QKI: variants seen among roughly 807,000 people sequenced by gnomAD.
QKI encodes KH domain-containing RNA-binding protein QKI.
In QKI, 10 loss-of-function variants were observed where a neutral mutation model predicts 39.0. The observed-to-expected ratio is 0.26, with a 90% confidence interval of 0.16 to 0.43. The LOEUF (loss-of-function observed/expected upper bound fraction) is 0.43, where lower values mean the gene tolerates loss of function less well. QKI is among the 20% of genes least tolerant of loss of function. The probability of loss-of-function intolerance (pLI) is 1.00; values close to 1 mark genes in which losing one functional copy is unlikely to be tolerated. For missense variants in QKI, 218 were observed against 428.0 expected, an observed-to-expected ratio of 0.51 and a Z score of 4.33; for synonymous variants, 204 against 155.4, an observed-to-expected ratio of 1.31 and a Z score of -2.33.
intron 1 of QKI, among the ~76,000 whole-genome samples, chr6:163,428,360 A>G (rs1788567956): frequency 6.6e-6 from 1 of 152,208 alleles, no homozygotes; most frequent in African/African-American, 2.4e-5. Flanking sequence ...TGAGTCACAT[A>G]TATTGAGAGG....
intron 1 of QKI, among the ~76,000 whole-genome samples, chr6:163,440,755 G>T (rs980206298): frequency 1.3e-5 from 2 of 152,108 alleles, no homozygotes; most frequent in African/African-American, 4.8e-5. Flanking sequence ...GTCTGTATTT[G>T]CACATGACTA....
At chr6:163,492,405 T>G (rs1051867378) in intron 3 of QKI, among the ~76,000 whole-genome samples, 1 of 152,182 alleles carries the variant, frequency 6.6e-6, no homozygotes, top group African/African-American at 2.4e-5. Flanking sequence ...AATCACAGGT[T>G]GTTATAGGAC....
chr6:163,447,745 G>A lies in QKI; in HGVS notation c.143-7534G>A, dbSNP rs6938197. 4.9e-3 allele frequency among the ~76,000 whole-genome samples: 738 copies of A among 152,140 alleles called. 4 individuals carry two copies. Among genetic ancestry groups the A allele is most frequent in the African/African-American group, 0.012 (509 of 41,528 alleles). On this transcript the variant is annotated intron_variant, in intron 1 of 7. Coordinates refer to ENST00000361752, the MANE Select transcript of QKI (RefSeq NM_006775.3). ...GAGTCATGTAAAAAATAACTAGATCGCTTTATTTTTAGAGTTGGGAGGCAA... is the reference window on the plus strand; with the variant it reads ...GAGTCATGTAAAAAATAACTAGATCACTTTATTTTTAGAGTTGGGAGGCAA...
rs1783665665 is a variant in QKI, at chr6:163,570,869, A to ATT, written c.*159_*160insTT. On this transcript the variant is annotated 3_prime_UTR_variant, in exon 8 of 8. Transcript: ENST00000361752. The stretch of plus-strand genomic sequence containing the variant: ...TTACCATCTAACCAAACAAAAGACA[A>ATT]AGAAATTGTTGTCCTCCAACTCAGC... 9.6e-7 allele frequency: 1 copy of ATT among 1,046,622 alleles called. No individual in the cohort carries two copies. The highest frequency in any genetic ancestry group is 1.3e-6 in the Non-Finnish European group (1 of 742,742). 64.8% of individuals were successfully genotyped at this position (1,046,622 alleles called of 1,614,324 possible).
rs374085039 is a variant in QKI, at chr6:163,434,476, G to A, written c.142+19141G>A. ...ATAAATATTAATCTTGGCACTTTGG[G>A]AGGCTGAGGCGGGCGGATCATGAGG... is the stretch of plus-strand genomic sequence containing the variant. On this transcript the variant is annotated intron_variant, in intron 1 of 7. Transcript: ENST00000361752. 1.1e-4 allele frequency among the ~76,000 whole-genome samples: 17 copies of A among 152,258 alleles called. No homozygotes were observed. In the East Asian group the frequency reaches 2.5e-3, roughly 22 times the overall value.
rs1358202539 is a variant in QKI at position 163,577,998 on chromosome 6, CATG to C, written c.*7289_*7291del. 6.6e-6 allele frequency: 1 copy of C among 152,052 alleles called. No homozygotes were observed. The highest frequency in any genetic ancestry group is 1.5e-5 in the Non-Finnish European group (1 of 68,016). The allele number at this position is 152,052 out of a possible 1,614,324, so 9.4% of individuals were successfully genotyped here. A position where few individuals can be genotyped will look rare whatever the true frequency, so the allele number is the denominator to read the frequency against. On this transcript the variant is annotated 3_prime_UTR_variant, in exon 8 of 8. Coordinates refer to ENST00000361752, the MANE Select transcript of QKI (RefSeq NM_006775.3). ...CTATACATATGTCTAAAATAATAGT[CATG>C]GTAAGTTTGGCATCATATCTTCCCC... is the stretch of plus-strand genomic sequence containing the variant.
intron 3 of QKI, among the ~76,000 whole-genome samples, chr6:163,521,395 CAT>C (rs1313481760): frequency 6.6e-6 from 1 of 152,086 alleles, no homozygotes; most frequent in African/African-American, 2.4e-5. Context: ...TTTAGATTAA[CAT>C]ATATAGACTA....
At chr6:163,480,253 G>C (rs576409406) in intron 3 of QKI, among the ~76,000 whole-genome samples, 4 of 152,068 alleles carry the variant, frequency 2.6e-5, no homozygotes, top group African/African-American at 9.6e-5. Context: ...CTGTCTGTCT[G>C]TCTCTTTCTC....
intron 3 of QKI, among the ~76,000 whole-genome samples, chr6:163,514,698 G>A (rs1779683288): frequency 6.6e-6 from 1 of 152,144 alleles, no homozygotes; most frequent in African/African-American, 2.4e-5. Context: ...GAAGTGGGAA[G>A]CGTGAATTTA....
intron 3 of QKI, among the ~76,000 whole-genome samples, chr6:163,500,232 G>A (rs1778675176): frequency 6.6e-6 from 1 of 152,156 alleles, no homozygotes; most frequent in Non-Finnish European, 1.5e-5. Flanking sequence ...TTTAAGCAGA[G>A]GGATGATATG....
chr6:163,528,849 C>T (rs1780674276), intron 3 of QKI, among the ~76,000 whole-genome samples: 1 of 152,048 alleles, frequency 6.6e-6, no homozygotes, highest in Non-Finnish European at 1.5e-5. Context: ...TGCACCCTAC[C>T]TTAAAAGATG....
chr6:163,545,745 AG>A (rs1351759456), intron 4 of QKI, among the ~76,000 whole-genome samples: 5 of 151,826 alleles, frequency 3.3e-5, no homozygotes, highest in African/African-American at 1.2e-4. Context: ...GGTTGACAAA[AG>A]GTTTAGACAT....
chr6:163,460,793 TA>T (rs1791293544), intron 2 of QKI, among the ~76,000 whole-genome samples: 1 of 152,176 alleles, frequency 6.6e-6, no homozygotes, highest in South Asian at 2.1e-4. Context: ...CAAATGATAT[TA>T]AATCAAAATT....
At chr6:163,434,331 C>T (rs571972531) in intron 1 of QKI, among the ~76,000 whole-genome samples, 4 of 152,280 alleles carry the variant, frequency 2.6e-5, no homozygotes, top group Non-Finnish European at 5.9e-5. Context: ...TTATGACGGG[C>T]TTACCTTGAT....
chr6:163,472,901 A>G (rs1020925847), intron 2 of QKI, among the ~76,000 whole-genome samples: 1 of 152,198 alleles, frequency 6.6e-6, no homozygotes, highest in African/African-American at 2.4e-5. Context: ...AAGGAATACA[A>G]TAAGCAAAAT....
rs575991410 is a variant in QKI, at chr6:163,429,586, TAAAAGCCTTAAGTTACAAA to T, written c.142+14253_142+14271del. On this transcript the variant is annotated intron_variant, in intron 1 of 7. Coordinates refer to ENST00000361752, the MANE Select transcript of QKI (RefSeq NM_006775.3). Reference sequence around the variant, plus strand: ...TAAGTGGCTTTAGAAGTTACTTTTTTAAAAGCCTTAAGTTACAAAATACTGTAACTGGGAATTATGAATA... The same window carrying T: ...TAAGTGGCTTTAGAAGTTACTTTTTTATACTGTAACTGGGAATTATGAATA... Among the ~76,000 whole-genome samples the T allele has an allele frequency of 2.6e-3, 395 of 152,312 alleles. 1 individual carries two copies. The highest frequency in any genetic ancestry group is 8.8e-3 in the African/African-American group (368 of 41,584).
rs1036912844 is a variant in QKI, at chr6:163,518,442, G to C, written c.403-16540G>C. On this transcript the variant is annotated intron_variant, in intron 3 of 7. Transcript: ENST00000361752. ...ATGTTTTACATAGATACTGTTTTTT[G>C]TGGGTCCATGTTCTTAGTTTTTTCC... Among the ~76,000 whole-genome samples the C allele has an allele frequency of 4.6e-5, 7 of 152,114 alleles. No individual in the cohort carries two copies. In the East Asian group the frequency reaches 1.4e-3, roughly 29 times the overall value.
chr6:163,575,689 GT>G lies in QKI; in HGVS notation c.*4981del, dbSNP rs2128254483. ...CATACGTACACACAATCGGTGTCTG[GT>G]TATGGTTTTCTAAACACTACATAAG... On this transcript the variant is annotated 3_prime_UTR_variant, in exon 8 of 8. Coordinates refer to ENST00000361752, the MANE Select transcript of QKI (RefSeq NM_006775.3). 1 of 152,232 alleles carries G rather than the reference GT, an allele frequency of 6.6e-6. No individual in the cohort carries two copies. The highest frequency in any genetic ancestry group is 1.9e-4 in the East Asian group (1 of 5,188). The allele number at this position is 152,232 out of a possible 1,614,324, so 9.4% of individuals were successfully genotyped here.
At chr6:163,567,119 A>C in intron 7 of QKI, 1 of 1,026,556 alleles carries the variant, frequency 9.7e-7, no homozygotes, top group South Asian at 4.1e-5. Flanking sequence ...TTTTGCTAAA[A>C]TTTACCTTTT....
Sources: gnomAD v4.1 joint callset for allele counts (sites outside exome capture counted in the v4.1 genomes callset) on GRCh38, gnomAD v4.1.1 for gene constraint, MANE v1.5 for transcripts, NCBI Gene and HGNC (gene_info 2026-07-23, HGNC 2026-07-21) for gene names.